Variants in IRS2 observed in about 807,000 individuals in gnomAD.
IRS2 encodes insulin receptor substrate 2.
A neutral mutation model predicts 70.9 loss-of-function variants in IRS2; 28 were observed. The observed-to-expected ratio is 0.39, with a 90% CI of 0.29 to 0.54. The LOEUF (loss-of-function observed/expected upper bound fraction) is 0.54. IRS2 is among the 20% of genes least tolerant of loss of function. The pLI is 0.59. For synonymous variants in IRS2, 1,217 were observed against 981.9 expected, an observed-to-expected ratio of 1.24 and a Z score of -4.48; for missense variants, 2,081 against 2,024.1, an observed-to-expected ratio of 1.03 and a Z score of -0.54.
Position 109,784,127 on chromosome 13 carries a change from A to G in IRS2, c.1927T>C (p.Ser643Pro), listed in dbSNP as rs1877832656. The G allele has an allele frequency of 1.9e-6, 3 of 1,594,616 alleles. No homozygotes were observed. The highest frequency in any genetic ancestry group is 1.7e-5 in the Admixed American group (1 of 59,398). Reference protein sequence around the residue: ...GDIEIGSHRSSSSNLGADDGY... With the variant: ...GDIEIGSHRSPSSNLGADDGY... ...TCGTCTGCCCCCAGGTTGCTGCTGG[A>G]GCTCCTGTGGGAGCCGATCTCGATG... The change falls in exon 1 of 2, where the codon TCC becomes CCC. Residue 643 changes from serine to proline, a missense_variant. Physicochemically the swap from Ser to Pro is moderately conservative, Grantham distance 74. Around this residue, in one of 4 missense-constraint regions of IRS2, gnomAD observed 1,615 missense variants for 1,459.5 expected, o/e 1.11. Coordinates refer to ENST00000375856, the MANE Select transcript of IRS2 (RefSeq NM_003749.3). The surrounding 1 kb of genome is among the most constrained non-coding windows in gnomAD (Gnocchi z 5.2).
In IRS2 at chr13:109,783,559, C is replaced by A. The variant is rs780869475; in HGVS notation, c.2495G>T (p.Arg832Leu). The A allele has an allele frequency of 3.2e-6, 5 of 1,549,564 alleles. No individual in the cohort carries two copies. In the African/African-American group the frequency reaches 6.8e-5, roughly 21 times the overall value. The change falls in exon 1 of 2, where the codon CGC (arginine) becomes CTC (leucine). Residue 832 changes from arginine to leucine, a missense_variant. By Grantham distance (102) the Arg-to-Leu change is moderately radical. Transcript: ENST00000375856. ...QYVLMSSPVG[R>L]ILEEERLEPQ... is the part of the protein sequence containing the mutation. The stretch of plus-strand genomic sequence containing the variant: ...CTCCAGACGCTCCTCCTCCAGGATG[C>A]GCCCCACGGGGGAGCTCATGAGCAC...
At position 109,784,443 on chromosome 13, in the gene IRS2, A is replaced by ACCG. The variant is rs769193882; in HGVS notation, c.1608_1610dup (p.Gly537dup). 18 of 1,583,540 alleles carry ACCG rather than the reference A, an allele frequency of 1.1e-5. No individual in the cohort carries two copies. The highest frequency in any genetic ancestry group is 3.3e-5 in the South Asian group (3 of 89,732). ...CCATGGTCATGTACCCGTAGAACTC[A>ACCG]CCGCCGCCGCCGCCGTCTCGGGCCG... On this transcript the variant is annotated inframe_insertion, in exon 1 of 2. Coordinates refer to ENST00000375856, the MANE Select transcript of IRS2 (RefSeq NM_003749.3). The surrounding 1 kb of genome is among the most constrained non-coding windows in gnomAD (Gnocchi z 5.2).
Position 109,754,551 on chromosome 13 carries a change from A to C in IRS2, c.*1753T>G, listed in dbSNP as rs866524766. On this transcript the variant is annotated 3_prime_UTR_variant, in exon 2 of 2. Transcript: ENST00000375856. ...TATACATCTTAATAAAGTATATCATACACTGAAATTGACCTTCCAGCTAAC... is the reference window on the plus strand; with the variant it reads ...TATACATCTTAATAAAGTATATCATCCACTGAAATTGACCTTCCAGCTAAC... 28 of 198,772 alleles carry C rather than the reference A, an allele frequency of 1.4e-4. No individual in the cohort carries two copies. The Middle Eastern group carries it at 5.1e-3, about 36-fold the overall frequency. The allele number at this position is 198,772 out of a possible 1,614,324, so 12.3% of individuals were successfully genotyped here.
chr13:109,757,593 G>GA (rs1877134656), intron 1 of IRS2, among the ~76,000 whole-genome samples: 2 of 152,182 alleles, frequency 1.3e-5, no homozygotes, highest in South Asian at 2.1e-4. Context: ...AAGCTTTACA[G>GA]AAAAAATACT....
intron 1 of IRS2, among the ~76,000 whole-genome samples, chr13:109,767,686 G>A (rs553420544): frequency 6.0e-4 from 90 of 150,712 alleles, no homozygotes; most frequent in Non-Finnish European, 2.1e-4. Context: ...AGAGCATCAC[G>A]CAGTGATATT....
Position 109,783,636 on chromosome 13 carries a change from C to A in IRS2, c.2418G>T (p.Leu806Phe). The change falls in exon 1 of 2, where the codon TTG becomes TTT. Residue 806 changes from leucine to phenylalanine, a missense_variant. Coordinates refer to ENST00000375856, the MANE Select transcript of IRS2 (RefSeq NM_003749.3). ...RGVPGCCYSS[L>F]PRSYKAPYTC... ...TGTAGGGGGCCTTGTAGGAGCGGGG[C>A]AAGGAGCTGTAGCAGCAGCCGGGAA... is the stretch of plus-strand genomic sequence containing the variant. 1 of 1,551,558 alleles carries A rather than the reference C, an allele frequency of 6.4e-7. No homozygotes were observed.
Position 109,785,903 on chromosome 13 carries a change from G to T in IRS2, c.151C>A (p.Arg51Ser). ...TCGTCGCCGCCCGCGCCGGGTCCGC[G>T]CAGCACGAAGAAGCGCTTGTGGCCA... ...KHGHKRFFVL[R>S]GPGAGGDEAT... Residue 51 changes from arginine to serine, a missense_variant, in exon 1 of 2, where the codon CGC becomes AGC. Arg to Ser is a moderately radical substitution (Grantham distance 110). Around this residue, in one of 4 missense-constraint regions of IRS2, gnomAD observed 320 missense variants for 352.9 expected, o/e 0.91. Transcript: ENST00000375856. The surrounding 1 kb of genome is among the most constrained non-coding windows in gnomAD (Gnocchi z 9.3). The T allele has an allele frequency of 6.7e-7, 1 of 1,494,386 alleles. No individual in the cohort carries two copies. The highest frequency in any genetic ancestry group is 1.3e-5 in the South Asian group (1 of 78,544). The allele number at this position is 1,494,386 out of a possible 1,614,324, so 92.6% of individuals were successfully genotyped here.
At chr13:109,775,575 C>T (rs1175621363) in intron 1 of IRS2, among the ~76,000 whole-genome samples, 4 of 151,962 alleles carry the variant, frequency 2.6e-5, no homozygotes, top group Admixed American at 1.3e-4. Flanking sequence ...CATACCACAC[C>T]GTAATAACTG....
At position 109,784,624 on chromosome 13, in the gene IRS2, G is replaced by T; in HGVS notation, c.1430C>A (p.Pro477His). 1 of 1,332,382 alleles carries T rather than the reference G, an allele frequency of 7.5e-7. No homozygotes were observed. Among genetic ancestry groups the T allele is most frequent in the Non-Finnish European group, 9.5e-7 (1 of 1,047,134 alleles). 82.5% of individuals were successfully genotyped at this position (1,332,382 alleles called of 1,614,324 possible). A position where few individuals can be genotyped will look rare whatever the true frequency, so the allele number is the denominator to read the frequency against. The change falls in exon 1 of 2, where the codon CCC (proline) becomes CAC (histidine). Residue 477 changes from proline to histidine, a missense_variant. Around this residue, in one of 4 missense-constraint regions of IRS2, gnomAD observed 1,615 missense variants for 1,459.5 expected, o/e 1.11. Transcript: ENST00000375856. This position sits in a 1 kb window ranked among gnomAD's most constrained non-coding sequence, Gnocchi z 5.2. ...GCTGCCGCTGGAGGGCCGCTGGCCG[G>T]GGCCGTGGTGCAGCGGATGCGGCAG... ...PPLPHPLHHGPGQRPSSGSAS... is the reference protein window; with the variant it reads ...PPLPHPLHHGHGQRPSSGSAS...
rs930873723 is a variant in IRS2 at position 109,770,938 on chromosome 13, C to A, written c.4012+11104G>T. Among the ~76,000 whole-genome samples, 3 of 152,214 alleles carry A rather than the reference C, an allele frequency of 2.0e-5. No homozygotes were observed. In the South Asian group the frequency reaches 6.2e-4, roughly 31 times the overall value. Reference sequence around the variant, plus strand: ...ACTCACACAGATGAATGTGTATCACCCAGACTTGTTCTAAGAACTTCATTA... The same window carrying A: ...ACTCACACAGATGAATGTGTATCACACAGACTTGTTCTAAGAACTTCATTA... On this transcript the variant is annotated intron_variant, in intron 1 of 1. Coordinates refer to ENST00000375856, the MANE Select transcript of IRS2 (RefSeq NM_003749.3).
At chr13:109,757,228 C>T (rs1265122656) in intron 1 of IRS2, among the ~76,000 whole-genome samples, 1 of 152,182 alleles carries the variant, frequency 6.6e-6, no homozygotes, top group Non-Finnish European at 1.5e-5. Flanking sequence ...TTCTAAGCTT[C>T]TTGGCTTTTT....
At position 109,782,983 on chromosome 13, in the gene IRS2, G is replaced by A. The variant is rs960165307; in HGVS notation, c.3071C>T (p.Ser1024Phe). ...YPPLPPRPSA[S>F]PSSSLQPPPP... ...CGGCGGCTGCAGAGACGACGACGGG[G>A]ACGCGGACGGACGCGGGGGCAACGG... Residue 1024 changes from serine (S) to phenylalanine (F), a missense_variant, in exon 1 of 2, where the codon TCC (serine) becomes TTC (phenylalanine). Physicochemically the swap from Ser to Phe is radical, Grantham distance 155 (BLOSUM62 -2). Around this residue, in one of 4 missense-constraint regions of IRS2, gnomAD observed 1,615 missense variants for 1,459.5 expected, o/e 1.11. Coordinates refer to ENST00000375856, the MANE Select transcript of IRS2 (RefSeq NM_003749.3). 1 of 1,377,638 alleles carries A rather than the reference G, an allele frequency of 7.3e-7. No individual in the cohort carries two copies. Among genetic ancestry groups the A allele is most frequent in the African/African-American group, 1.5e-5 (1 of 64,786 alleles). The allele number at this position is 1,377,638 out of a possible 1,614,324, so 85.3% of individuals were successfully genotyped here. A position where few individuals can be genotyped will look rare whatever the true frequency, so the allele number is the denominator to read the frequency against.
Position 109,783,974 on chromosome 13 carries a change from C to T in IRS2, c.2080G>A (p.Ala694Thr), listed in dbSNP as rs1877823855. 21 of 1,524,894 alleles carry T rather than the reference C, an allele frequency of 1.4e-5. No individual in the cohort carries two copies. Among genetic ancestry groups the T allele is most frequent in the Non-Finnish European group, 1.8e-5 (21 of 1,140,952 alleles). 94.5% of individuals were successfully genotyped at this position (1,524,894 alleles called of 1,614,324 possible). ...SAPKQILQPR[A>T]AAAAAAAVPS... ...ACGGCGGCGGCGGCGGCGGCGGCGG[C>T]CCTGGGCTGCAAGATCTGCTTGGGG... Residue 694 changes from alanine (A) to threonine (T), a missense_variant, in exon 1 of 2, where the codon GCC becomes ACC. By Grantham distance (58) the Ala-to-Thr change is moderately conservative. Transcript: ENST00000375856.
In IRS2 at chr13:109,784,449, G is replaced by A. The variant is rs1420722557; in HGVS notation, c.1605C>T (p.Gly535=). Residue 535 remains glycine, a synonymous_variant, in exon 1 of 2, where the codon GGC becomes GGT. Coordinates refer to ENST00000375856, the MANE Select transcript of IRS2 (RefSeq NM_003749.3). This position sits in a 1 kb window ranked among gnomAD's most constrained non-coding sequence, Gnocchi z 5.2. ...TCATGTACCCGTAGAACTCACCGCC[G>A]CCGCCGCCGTCTCGGGCCGGGGGCG... The part of the protein sequence containing the change: ...AETPPARDGG[G]GGEFYGYMTM... The A allele has an allele frequency of 1.9e-6, 3 of 1,584,568 alleles. No individual in the cohort carries two copies. The highest frequency in any genetic ancestry group is 2.6e-6 in the Non-Finnish European group (3 of 1,162,158).
rs1456731211 is a variant in IRS2 at position 109,782,454 on chromosome 13, C to A, written c.3600G>T (p.Pro1200=). The change falls in exon 1 of 2, where the codon CCG becomes CCT. Residue 1200 remains proline, a synonymous_variant. Coordinates refer to ENST00000375856, the MANE Select transcript of IRS2 (RefSeq NM_003749.3). ...VGVGPGGGDE[P]PTSPRQLQPA... Reference sequence around the variant, plus strand: ...GCTGCAACTGTCGTGGGGAGGTGGGCGGCTCGTCGCCCCCTCCAGGGCCGA... The same window carrying A: ...GCTGCAACTGTCGTGGGGAGGTGGGAGGCTCGTCGCCCCCTCCAGGGCCGA... 1.9e-6 allele frequency: 3 copies of A among 1,570,496 alleles called. No homozygotes were observed. Among genetic ancestry groups the A allele is most frequent in the African/African-American group, 2.7e-5 (2 of 73,618 alleles).
Position 109,784,835 on chromosome 13 carries a change from C to G in IRS2, c.1219G>C (p.Gly407Arg). ...APLSRSHTLS[G>R]GCGGRGSKVA... ...TTGCTCCCGCGGCCGCCGCAGCCGC[C>G]GCTCAGGGTGTGCGAGCGGCTCAGG... The change falls in exon 1 of 2, where the codon GGC (glycine) becomes CGC (arginine). Residue 407 changes from glycine (G) to arginine (R), a missense_variant. Coordinates refer to ENST00000375856, the MANE Select transcript of IRS2 (RefSeq NM_003749.3). This position sits in a 1 kb window ranked among gnomAD's most constrained non-coding sequence, Gnocchi z 5.2. 2 of 1,249,580 alleles carry G rather than the reference C, an allele frequency of 1.6e-6. No homozygotes were observed. Among genetic ancestry groups the G allele is most frequent in the Middle Eastern group, 3.2e-4 (1 of 3,162 alleles). 77.4% of individuals were successfully genotyped at this position (1,249,580 alleles called of 1,614,324 possible). A position where few individuals can be genotyped will look rare whatever the true frequency, so the allele number is the denominator to read the frequency against.
chr13:109,758,396 CTA>C (rs1259138852), intron 1 of IRS2, among the ~76,000 whole-genome samples: 3 of 152,216 alleles, frequency 2.0e-5, no homozygotes, highest in Non-Finnish European at 2.9e-5. Flanking sequence ...CATGTTAACT[CTA>C]AGTCTGTTAT....
At chr13:109,767,086 A>G (rs895503823) in intron 1 of IRS2, among the ~76,000 whole-genome samples, 2 of 152,144 alleles carry the variant, frequency 1.3e-5, no homozygotes, top group African/African-American at 4.8e-5. Flanking sequence ...ACATGGAGGG[A>G]GGTTTGGATG....
rs1877063626 is a variant in IRS2 at position 109,754,607 on chromosome 13, T to A, written c.*1697A>T. The A allele has an allele frequency of 5.0e-6, 1 of 200,022 alleles. No individual in the cohort carries two copies. Among genetic ancestry groups the A allele is most frequent in the South Asian group, 1.9e-4 (1 of 5,232 alleles). 12.4% of individuals were successfully genotyped at this position (200,022 alleles called of 1,614,324 possible). Reference sequence around the variant, plus strand: ...ATGGCCTATGCACTGCTGTGATGTATAATTTCAGAAAAGTAAAACCTTAAA... The same window carrying A: ...ATGGCCTATGCACTGCTGTGATGTAAAATTTCAGAAAAGTAAAACCTTAAA... On this transcript the variant is annotated 3_prime_UTR_variant, in exon 2 of 2. Coordinates refer to ENST00000375856, the MANE Select transcript of IRS2 (RefSeq NM_003749.3).
Sources: gnomAD v4.1 joint callset for allele counts (sites outside exome capture counted in the v4.1 genomes callset) on GRCh38, gnomAD v4.1.1 for gene constraint, gnomAD v4.1.1 regional missense constraint, Gnocchi (gnomAD v3.1) non-coding constraint, MANE v1.5 for transcripts, NCBI Gene and HGNC (gene_info 2026-07-23, HGNC 2026-07-21) for gene names.